Variants in DLGAP4 observed in about 807,000 individuals in gnomAD.
The protein encoded by DLGAP4 is disks large-associated protein 4.
DLGAP4 carries 18 observed loss-of-function variants against 86.9 expected under a neutral mutation model. The observed-to-expected ratio is 0.21, with a 90% confidence interval of 0.14 to 0.31. The LOEUF is 0.31. DLGAP4 is among the 10% of genes least tolerant of loss of function. The pLI, the probability that DLGAP4 is intolerant of heterozygous loss-of-function variation, is 1.00. For missense variants in DLGAP4, 1,085 were observed against 1,362.6 expected (o/e 0.80, Z 3.21); for synonymous variants, 548 against 574.3 (o/e 0.95, Z 0.65).
At chr20:36,430,027 G>C (rs1222393835) in intron 2 of DLGAP4, among the ~76,000 whole-genome samples, 3 of 152,142 alleles carry the variant, frequency 2.0e-5, no homozygotes, top group Non-Finnish European at 4.4e-5. Context: ...ACCAAGTCTT[G>C]GTACTCCCAC....
At position 36,392,527 on chromosome 20, in the gene DLGAP4, C is replaced by T. The variant is rs148262618; in HGVS notation, c.-73+25252C>T. Among the ~76,000 whole-genome samples the T allele has an allele frequency of 1.7e-3, 202 of 118,496 alleles. 1 individual carries two copies. The highest frequency in any genetic ancestry group is 5.4e-3 in the African/African-American group (192 of 35,532). 77.7% of individuals were successfully genotyped at this position (118,496 alleles called of 152,430 possible). A position where few individuals can be genotyped will look rare whatever the true frequency, so the allele number is the denominator to read the frequency against. On this transcript the variant is annotated intron_variant, in intron 2 of 12. Transcript: ENST00000339266. ...GCTGGGATTACAGCATGCACCACCA[C>T]GCCCGGCTAATTTTTGTATTTTTAG...
chr20:36,461,351 G>A (rs1397680457), intron 7 of DLGAP4: 6 of 654,028 alleles, frequency 9.2e-6, no homozygotes, highest in Non-Finnish European at 1.1e-5. Context: ...TGCCAAGCGG[G>A]CTGCGCGCGC....
intron 10 of DLGAP4, among the ~76,000 whole-genome samples, chr20:36,521,897 T>C (rs141358187): frequency 2.7e-3 from 406 of 152,348 alleles, no homozygotes; most frequent in African/African-American, 8.7e-3. Context: ...GTCAGTTCCC[T>C]TTTAATTACT....
rs1319104585 is a variant in DLGAP4, at chr20:36,432,396, C to A, written c.679C>A (p.Leu227Met). The A allele has an allele frequency of 1.2e-6, 2 of 1,613,770 alleles. No individual in the cohort carries two copies. Among genetic ancestry groups the A allele is most frequent in the Non-Finnish European group, 8.5e-7 (1 of 1,180,040 alleles). The change falls in exon 3 of 13, where the codon CTG becomes ATG. Residue 227 changes from leucine to methionine, a missense_variant. Coordinates refer to ENST00000339266, the MANE Select transcript of DLGAP4 (RefSeq NM_001365621.2). The surrounding 1 kb of genome is among the most constrained non-coding windows in gnomAD (Gnocchi z 6.5). Reference sequence around the variant, plus strand: ...CCGCAGCAGTGGCCCAGCCTCTGGGCTGATGACACTAGGCCGCCAGGCAGA... The same window carrying A: ...CCGCAGCAGTGGCCCAGCCTCTGGGATGATGACACTAGGCCGCCAGGCAGA... ...AFRSSGPASG[L>M]MTLGRQAERS...
intron 7 of DLGAP4, among the ~76,000 whole-genome samples, chr20:36,451,389 C>T (rs531720331): frequency 2.0e-5 from 3 of 152,218 alleles, no homozygotes; most frequent in African/African-American, 4.8e-5. Flanking sequence ...CGCTCTCTGT[C>T]GCCCAGGCTG....
chr20:36,527,004 T>C lies in DLGAP4; in HGVS notation c.2952T>C (p.Tyr984=). 6.2e-7 allele frequency: 1 copy of C among 1,608,828 alleles called. No homozygotes were observed. Among genetic ancestry groups the C allele is most frequent in the Non-Finnish European group, 8.5e-7 (1 of 1,177,352 alleles). ...AGAGCGCAGACAGCATCGAGATTTA[T>C]GTCCCGGAGGCCCAGACCAGGCTCT... ...ATESADSIEI[Y]VPEAQTRL is the part of the protein sequence containing the mutation. The change falls in exon 13 of 13, where the codon TAT becomes TAC. Residue 984 remains tyrosine, a synonymous_variant. Coordinates refer to ENST00000339266, the MANE Select transcript of DLGAP4 (RefSeq NM_001365621.2).
At chr20:36,493,977 C>G (rs2035776773) in intron 7 of DLGAP4, among the ~76,000 whole-genome samples, 1 of 152,220 alleles carries the variant, frequency 6.6e-6, no homozygotes, top group African/African-American at 2.4e-5. Flanking sequence ...TGTCCCTCCT[C>G]TCTCAGGATG....
chr20:36,487,034 G>A (rs761495357), intron 7 of DLGAP4, among the ~76,000 whole-genome samples: 8 of 152,160 alleles, frequency 5.3e-5, no homozygotes, highest in Non-Finnish European at 7.3e-5. Context: ...AAACAGGGAC[G>A]CAAAAGACCA....
chr20:36,396,375 C>CGGA (rs1569484566), intron 2 of DLGAP4, among the ~76,000 whole-genome samples: 62 of 3,546 alleles, frequency 0.017, 1 homozygote, highest in Admixed American at 0.023. Flanking sequence ...CATACACACA[C>CGGA]CCCACATACA....
Position 36,526,809 on chromosome 20 carries a change from A to C in DLGAP4, c.2761-4A>C. ...TTTGTTCTCTCCTCACTGTCTCACT[A>C]AAGGAAGAGAAGAAACCACCCCCTC... On this transcript the variant is annotated splice_region_variant and splice_polypyrimidine_tract_variant and intron_variant, in intron 12 of 12. Transcript: ENST00000339266. 6.3e-7 allele frequency: 1 copy of C among 1,596,514 alleles called. No individual in the cohort carries two copies. Among genetic ancestry groups the C allele is most frequent in the Non-Finnish European group, 8.5e-7 (1 of 1,173,606 alleles).
intron 1 of DLGAP4, among the ~76,000 whole-genome samples, chr20:36,327,257 C>T (rs2065224799): frequency 6.6e-6 from 1 of 152,042 alleles, no homozygotes; most frequent in Non-Finnish European, 1.5e-5. Flanking sequence ...ACCTCGGCCT[C>T]CCAAAGTGCT....
intron 1 of DLGAP4, among the ~76,000 whole-genome samples, chr20:36,348,916 T>A (rs1555893233): frequency 6.8e-6 from 1 of 148,050 alleles, no homozygotes; most frequent in Non-Finnish European, 1.5e-5. Flanking sequence ...GCCTGGCCAA[T>A]ATGGTAAAGC....
In DLGAP4 at chr20:36,446,857, A is replaced by G. The variant is rs1256676305; in HGVS notation, c.1568A>G (p.Gln523Arg). The change falls in exon 7 of 13, where the codon CAG becomes CGG. Residue 523 changes from glutamine (Q) to arginine (R), a missense_variant. Gln to Arg is a conservative substitution (Grantham distance 43). This residue lies in a region of DLGAP4 where 1,082 missense variants were observed against 1,344.1 expected (regional missense o/e 0.81). Transcript: ENST00000339266. ...CGTGCCATCCAGGCAGGCTGCTCGC[A>G]GGAGGAGGACAGTGTCTCCCTGCAG... Reference protein sequence around the residue: ...YLRAIQAGCSQEEDSVSLQSL... With the variant: ...YLRAIQAGCSREEDSVSLQSL... 1 of 1,613,224 alleles carries G rather than the reference A, an allele frequency of 6.2e-7. No individual in the cohort carries two copies. Among genetic ancestry groups the G allele is most frequent in the South Asian group, 1.1e-5 (1 of 91,018 alleles).
intron 7 of DLGAP4, among the ~76,000 whole-genome samples, chr20:36,455,575 C>T (rs1419994540): frequency 6.6e-6 from 1 of 152,140 alleles, no homozygotes; most frequent in Non-Finnish European, 1.5e-5. Context: ...TGCTCAGGGA[C>T]CCTGAGTTCT....
At chr20:36,307,930 T>C (rs935206505) in intron 1 of DLGAP4, among the ~76,000 whole-genome samples, 2 of 152,238 alleles carry the variant, frequency 1.3e-5, no homozygotes, top group Non-Finnish European at 2.9e-5. Context: ...GCCACCTCTC[T>C]CTTGCCTTCT....
At chr20:36,509,610 C>T (rs2036576155) in intron 10 of DLGAP4, among the ~76,000 whole-genome samples, 1 of 151,892 alleles carries the variant, frequency 6.6e-6, no homozygotes, top group African/African-American at 2.4e-5. Flanking sequence ...ATTAGCTGAG[C>T]ATTGTGGTGT....
intron 1 of DLGAP4, among the ~76,000 whole-genome samples, chr20:36,341,209 C>T (rs1051430009): frequency 1.3e-5 from 2 of 152,226 alleles, no homozygotes; most frequent in East Asian, 3.8e-4. Context: ...CTGCCCAGAA[C>T]ACTTCCCCAG....
intron 7 of DLGAP4, among the ~76,000 whole-genome samples, chr20:36,456,217 T>C (rs1393047959): frequency 6.6e-6 from 1 of 152,090 alleles, no homozygotes; most frequent in Admixed American, 6.5e-5. Context: ...GGGAAGATGA[T>C]TATCTATCAA....
Position 36,339,089 on chromosome 20 carries a change from G to A in DLGAP4, c.-303-27956G>A, listed in dbSNP as rs367951240. On this transcript the variant is annotated intron_variant, in intron 1 of 12. Coordinates refer to ENST00000339266, the MANE Select transcript of DLGAP4 (RefSeq NM_001365621.2). The stretch of plus-strand genomic sequence containing the variant: ...TTTAGGCAGAAGGTAATATGATCTG[G>A]TGTGCATTCATTTTTTTGAGATGGA... Among the ~76,000 whole-genome samples the A allele has an allele frequency of 2.4e-4, 36 of 152,266 alleles. No individual in the cohort carries two copies. In the East Asian group the frequency reaches 4.4e-3, roughly 19 times the overall value.
Sources: gnomAD v4.1 joint callset for allele counts (sites outside exome capture counted in the v4.1 genomes callset) on GRCh38, gnomAD v4.1.1 for gene constraint, gnomAD v4.1.1 regional missense constraint, Gnocchi (gnomAD v3.1) non-coding constraint, MANE v1.5 for transcripts, NCBI Gene and HGNC (gene_info 2026-07-23, HGNC 2026-07-21) for gene names.